DYNC2H1: variants seen among roughly 807,000 people sequenced by gnomAD.
The protein encoded by DYNC2H1 is dynein cytoplasmic 2 heavy chain 1.
In DYNC2H1, 410 loss-of-function variants were observed where a neutral mutation model predicts 570.0. The ratio of observed to expected loss-of-function variants is 0.72; its 90% CI spans 0.66 to 0.78. The LOEUF (loss-of-function observed/expected upper bound fraction) is 0.78, where lower values mean the gene tolerates loss of function less well. DYNC2H1 is among the 30% of genes least tolerant of loss of function. The pLI, the probability that DYNC2H1 is intolerant of heterozygous loss-of-function variation, is 0.00. For missense variants in DYNC2H1, 4,865 were observed against 5,046.4 expected (o/e 0.96, Z 1.09); for synonymous variants, 1,688 against 1,677.6 (o/e 1.01, Z -0.15).
At chr11:103,450,962 C>T (rs1411607185) in intron 85 of DYNC2H1, among the ~76,000 whole-genome samples, 5 of 152,100 alleles carry the variant, frequency 3.3e-5, no homozygotes, top group Admixed American at 6.5e-5. Context: ...CTGATAAATA[C>T]GTTAGGTCCT....
intron 81 of DYNC2H1, among the ~76,000 whole-genome samples, chr11:103,322,375 A>G (rs2135440870): frequency 6.6e-6 from 1 of 152,300 alleles, no homozygotes; most frequent in East Asian, 1.9e-4. Flanking sequence ...GCACAATTCC[A>G]TGAATTTTCA....
chr11:103,153,679 T>C (rs1423166026), intron 22 of DYNC2H1, among the ~76,000 whole-genome samples, 171 bp downstream of exon 22: 1 of 152,034 alleles, frequency 6.6e-6, no homozygotes, highest in Non-Finnish European at 1.5e-5. Context: ...GTCATAGTTG[T>C]GTTATATAAG....
chr11:103,142,301 C>T (rs1054177872), intron 17 of DYNC2H1, among the ~76,000 whole-genome samples: 1 of 152,200 alleles, frequency 6.6e-6, no homozygotes, highest in Non-Finnish European at 1.5e-5. Flanking sequence ...TCTTCTGCGT[C>T]GCCCACGCTG....
chr11:103,119,760 T>C (rs1223553592), intron 6 of DYNC2H1, among the ~76,000 whole-genome samples: 1 of 152,196 alleles, frequency 6.6e-6, no homozygotes, highest in African/African-American at 2.4e-5. Flanking sequence ...TCATTCTTTT[T>C]GGGGGCTATT....
rs1026034729 is a variant in DYNC2H1 at position 103,198,211 on chromosome 11, C to T, written c.7839+148C>T. 6.4e-5 allele frequency: 58 copies of T among 910,848 alleles called. No homozygotes were observed. In the East Asian group the frequency reaches 1.2e-3, roughly 19 times the overall value. The allele number at this position is 910,848 out of a possible 1,614,324, so 56.4% of individuals were successfully genotyped here. On this transcript the variant is annotated intron_variant, in intron 48 of 88. Transcript: ENST00000375735. ...TCTTTTGGAATTTAGTCCATTGTGG[C>T]GGATGTAACGAGATGTGCCTGTACT...
chr11:103,121,503 A>G lies in DYNC2H1; in HGVS notation c.1485+7A>G, dbSNP rs759683211. On this transcript the variant is annotated splice_region_variant and intron_variant, in intron 10 of 88. Coordinates refer to ENST00000375735, the MANE Select transcript of DYNC2H1 (RefSeq NM_001377.3). ...TCGCCAGTTGGAATTGAAGGTATTT[A>G]TTTTAATAAAAGATGAAGAGTACTA... 3.1e-6 allele frequency: 5 copies of G among 1,610,572 alleles called. No individual in the cohort carries two copies. In the South Asian group the frequency reaches 3.3e-5, roughly 11 times the overall value.
At position 103,407,555 on chromosome 11, in the gene DYNC2H1, T is replaced by C. The variant is rs568609297; in HGVS notation, c.12366+7683T>C. The C allele has an allele frequency of 2.0e-5, 3 of 151,924 alleles. No individual in the cohort carries two copies. In the South Asian group the frequency reaches 6.2e-4, roughly 32 times the overall value. The allele number at this position is 151,924 out of a possible 1,614,324, so 9.4% of individuals were successfully genotyped here. A position where few individuals can be genotyped will look rare whatever the true frequency, so the allele number is the denominator to read the frequency against. ...AGATATGAATTGTTCGTAGCAGAAATGGGGGTATGCTGTTGGAATTCGTAA... is the reference window on the plus strand; with the variant it reads ...AGATATGAATTGTTCGTAGCAGAAACGGGGGTATGCTGTTGGAATTCGTAA... On this transcript the variant is annotated intron_variant, in intron 84 of 88. Transcript: ENST00000375735.
intron 65 of DYNC2H1, among the ~76,000 whole-genome samples, chr11:103,247,094 A>G (rs1864648181): frequency 6.6e-6 from 1 of 151,874 alleles, no homozygotes. Flanking sequence ...AGTTGAAGAC[A>G]ATTGGACCAG....
At chr11:103,192,533 T>G (rs1350328272) in intron 47 of DYNC2H1, among the ~76,000 whole-genome samples, 1 of 152,196 alleles carries the variant, frequency 6.6e-6, no homozygotes, top group Non-Finnish European at 1.5e-5. Context: ...AATAAAAGTT[T>G]TTTTTTGAAA....
At position 103,121,515 on chromosome 11, in the gene DYNC2H1, G is replaced by A. The variant is rs111375449; in HGVS notation, c.1485+19G>A. The A allele has an allele frequency of 1.2e-3, 1,977 of 1,609,362 alleles. 21 individuals carry two copies. In the African/African-American group the frequency reaches 0.023, roughly 19 times the overall value. On this transcript the variant is annotated intron_variant, in intron 10 of 88. Coordinates refer to ENST00000375735, the MANE Select transcript of DYNC2H1 (RefSeq NM_001377.3). ...ATTGAAGGTATTTATTTTAATAAAAGATGAAGAGTACTAATTATAAAATCT... is the reference window on the plus strand; with the variant it reads ...ATTGAAGGTATTTATTTTAATAAAAAATGAAGAGTACTAATTATAAAATCT...
Position 103,363,841 on chromosome 11 carries a change from A to T in DYNC2H1, c.12156+5482A>T, listed in dbSNP as rs1940770829. 6.6e-6 allele frequency among the ~76,000 whole-genome samples: 1 copy of T among 152,216 alleles called. No individual in the cohort carries two copies. Among genetic ancestry groups the T allele is most frequent in the Non-Finnish European group, 1.5e-5 (1 of 68,042 alleles). ...GAAAACACTATTATATAAAAGGTAAACACCAGCTAGGCTTATTTTGACAGT... is the reference window on the plus strand; with the variant it reads ...GAAAACACTATTATATAAAAGGTAATCACCAGCTAGGCTTATTTTGACAGT... On this transcript the variant is annotated intron_variant, in intron 83 of 88. Coordinates refer to ENST00000375735, the MANE Select transcript of DYNC2H1 (RefSeq NM_001377.3). The surrounding 1 kb of genome is among the most constrained non-coding windows in gnomAD (Gnocchi z 5.6).
Position 103,299,454 on chromosome 11 carries a change from T to G in DYNC2H1, c.11096-3639T>G, listed in dbSNP as rs1866961714. ...TTGGAAGCCCTGGGGAAAATCCACT[T>G]CCAAACCCATTCAGGTTCAGCCCTA... On this transcript the variant is annotated intron_variant, in intron 75 of 88. Coordinates refer to ENST00000375735, the MANE Select transcript of DYNC2H1 (RefSeq NM_001377.3). The surrounding 1 kb of genome is among the most constrained non-coding windows in gnomAD (Gnocchi z 4.5). Among the ~76,000 whole-genome samples, 1 of 152,126 alleles carries G rather than the reference T, an allele frequency of 6.6e-6. No individual in the cohort carries two copies. The highest frequency in any genetic ancestry group is 2.1e-4 in the South Asian group (1 of 4,830).
chr11:103,177,096 A>G lies in DYNC2H1; in HGVS notation c.5875-460A>G, dbSNP rs1056747317. 1.8e-4 allele frequency among the ~76,000 whole-genome samples: 27 copies of G among 152,140 alleles called. No homozygotes were observed. The highest frequency in any genetic ancestry group is 2.9e-4 in the Non-Finnish European group (20 of 68,026). On this transcript the variant is annotated intron_variant, in intron 37 of 88. Coordinates refer to ENST00000375735, the MANE Select transcript of DYNC2H1 (RefSeq NM_001377.3). The surrounding 1 kb of genome is among the most constrained non-coding windows in gnomAD (Gnocchi z 4.4). Reference sequence around the variant, plus strand: ...ATTCATCATTTTTTTATAATTGATTATATATATGATTTAGTTTCATTTTGA... The same window carrying G: ...ATTCATCATTTTTTTATAATTGATTGTATATATGATTTAGTTTCATTTTGA...
Position 103,241,446 on chromosome 11 carries a change from C to G in DYNC2H1, c.9820-2247C>G. 3 of 1,273,424 alleles carry G rather than the reference C, an allele frequency of 2.4e-6. No individual in the cohort carries two copies. The highest frequency in any genetic ancestry group is 1.3e-5 in the South Asian group (1 of 76,814). The allele number at this position is 1,273,424 out of a possible 1,614,324, so 78.9% of individuals were successfully genotyped here. A position where few individuals can be genotyped will look rare whatever the true frequency, so the allele number is the denominator to read the frequency against. The stretch of plus-strand genomic sequence containing the variant: ...AAGATGACAACAAACTTTTAAGTAC[C>G]CTTTGAAAAACTTAAGCATGTTTTC... On this transcript the variant is annotated intron_variant, in intron 63 of 88. Transcript: ENST00000375735. This position sits in a 1 kb window ranked among gnomAD's most constrained non-coding sequence, Gnocchi z 5.1.
chr11:103,279,632 C>T (rs1193903369), intron 70 of DYNC2H1, among the ~76,000 whole-genome samples: 1 of 150,970 alleles, frequency 6.6e-6, no homozygotes, highest in African/African-American at 2.4e-5. Flanking sequence ...GTAGATACGA[C>T]CTTCTCCTTT....
rs180884908 is a variant in DYNC2H1, at chr11:103,150,180, G to A, written c.2946+1563G>A. Among the ~76,000 whole-genome samples, 21 of 152,248 alleles carry A rather than the reference G, an allele frequency of 1.4e-4. No individual in the cohort carries two copies. The East Asian group carries it at 2.1e-3, about 15-fold the overall frequency. Reference sequence around the variant, plus strand: ...TGCTTTTAGAAATTGTAAGAAGTTCGTATTTTATTCTGAGTGTAATAAGAA... The same window carrying A: ...TGCTTTTAGAAATTGTAAGAAGTTCATATTTTATTCTGAGTGTAATAAGAA... On this transcript the variant is annotated intron_variant, in intron 20 of 88. Transcript: ENST00000375735.
chr11:103,231,238 A>G, intron 59 of DYNC2H1, 22 bp from the exon 60 acceptor site: 2 of 1,455,224 alleles, frequency 1.4e-6, no homozygotes, highest in Non-Finnish European at 1.9e-6. Context: ...AATGACTTGT[A>G]TAATATTGAG....
chr11:103,372,862 A>C (rs185833118), intron 83 of DYNC2H1, among the ~76,000 whole-genome samples: 1 of 152,302 alleles, frequency 6.6e-6, no homozygotes, highest in Admixed American at 6.5e-5. Context: ...CAGTGAAGTC[A>C]TCAGGTCCTG....
In DYNC2H1 at chr11:103,317,667, G is replaced by T. The variant is rs114966562; in HGVS notation, c.11725+1047G>T. On this transcript the variant is annotated intron_variant, in intron 80 of 88. Coordinates refer to ENST00000375735, the MANE Select transcript of DYNC2H1 (RefSeq NM_001377.3). ...TTCTTACTTGAAGGTTTTAATAGGTGTTCTTCCTTCGGTCTGAAATGCTTT... is the reference window on the plus strand; with the variant it reads ...TTCTTACTTGAAGGTTTTAATAGGTTTTCTTCCTTCGGTCTGAAATGCTTT... Among the ~76,000 whole-genome samples the T allele has an allele frequency of 4.3e-3, 660 of 152,218 alleles. 4 individuals carry two copies. The highest frequency in any genetic ancestry group is 0.015 in the African/African-American group (615 of 41,550).
Sources: gnomAD v4.1 joint callset for allele counts (sites outside exome capture counted in the v4.1 genomes callset) on GRCh38, gnomAD v4.1.1 for gene constraint, Gnocchi (gnomAD v3.1) non-coding constraint, MANE v1.5 for transcripts, NCBI Gene and HGNC (gene_info 2026-07-23, HGNC 2026-07-21) for gene names.